Variants in MUCL1 observed in about 807,000 individuals in gnomAD.
MUCL1 encodes the protein mucin like 1.
A neutral mutation model predicts 9.2 loss-of-function variants in MUCL1; 11 were observed. That is an observed-to-expected ratio of 1.19 (90% CI 0.75 to 1.97). The LOEUF (loss-of-function observed/expected upper bound fraction) is 1.97, where lower values mean the gene tolerates loss of function less well. Among genes scored for constraint, MUCL1 ranks in the 30% most tolerant of loss-of-function variants. The pLI is 0.00. For synonymous variants in MUCL1, 48 were observed against 40.5 expected, an observed-to-expected ratio of 1.19 and a Z score of -0.71; for missense variants, 144 against 110.9, an observed-to-expected ratio of 1.30 and a Z score of -1.34.
At chr12:54,854,489 A>G (rs984523976), upstream of MUCL1, 41 of 953,290 alleles carry the variant, frequency 4.3e-5, no homozygotes, top group Middle Eastern at 4.5e-4. Context: ...CTGCATATAT[A>G]TTGTCAGGAT....
chr12:54,839,943 G>A (rs552694103), intron 1 of MUCL1, among the ~76,000 whole-genome samples: 4 of 152,242 alleles, frequency 2.6e-5, no homozygotes, highest in South Asian at 2.1e-4. Context: ...GCTTAGAGTC[G>A]CTTTTCACAA....
At chr12:54,850,015 A>T (rs967585286), upstream of MUCL1, among the ~76,000 whole-genome samples, 1 of 152,110 alleles carries the variant, frequency 6.6e-6, no homozygotes, top group Admixed American at 6.5e-5. Flanking sequence ...GCTTGGGCAA[A>T]CCAGCACTGT....
chr12:54,855,056 A>G (rs916550076), intron 1 of MUCL1, 60 bp from the exon 2 acceptor site: 6 of 1,436,084 alleles, frequency 4.2e-6, no homozygotes, highest in Non-Finnish European at 5.9e-6. Context: ...ATTCTCTCTT[A>G]CCTCCATCCT....
At chr12:54,831,654 G>C (rs1051779252) in intron 1 of MUCL1, among the ~76,000 whole-genome samples, 1 of 151,978 alleles carries the variant, frequency 6.6e-6, no homozygotes, top group Non-Finnish European at 1.5e-5. Flanking sequence ...TTCCAAATAA[G>C]ATAAAATACT....
upstream of MUCL1, among the ~76,000 whole-genome samples, chr12:54,836,482 C>T (rs1236452908): frequency 6.6e-6 from 1 of 152,038 alleles, no homozygotes; most frequent in Non-Finnish European, 1.5e-5. Flanking sequence ...TCTCTCTTTT[C>T]TTGGTTAATC....
chr12:54,839,399 G>A (rs927791233), exon 1 of MUCL1: 1 of 701,780 alleles, frequency 1.4e-6, no homozygotes, highest in African/African-American at 1.7e-5. Context: ...CAGGCTTCTG[G>A]CCAGTATGGG....
chr12:54,840,813 C>A (rs929924603), intron 1 of MUCL1, among the ~76,000 whole-genome samples: 1 of 152,144 alleles, frequency 6.6e-6, no homozygotes, highest in Non-Finnish European at 1.5e-5. Flanking sequence ...TAGCAGGTGG[C>A]AGTAAACCCC....
chr12:54,840,571 A>G (rs1959205549), intron 1 of MUCL1, among the ~76,000 whole-genome samples: 1 of 152,222 alleles, frequency 6.6e-6, no homozygotes, highest in Non-Finnish European at 1.5e-5. Flanking sequence ...GAGCGGGGTC[A>G]TAAAGTTTCC....
chr12:54,856,841 C>T lies in MUCL1; in HGVS notation c.172C>T (p.Pro58Ser), dbSNP rs751395820. 1.2e-6 allele frequency: 2 copies of T among 1,612,586 alleles called. No individual in the cohort carries two copies. Among genetic ancestry groups the T allele is most frequent in the Admixed American group, 1.7e-5 (1 of 59,888 alleles). ...TGCAACCACTGCAACCACTGCTGCT[C>T]CTACCACTGCAACCACCGCTGCTTC... ...AAATTATTAA[P>S]TTATTAASTT... The change falls in exon 3 of 4, where the codon CCT (proline) becomes TCT (serine). Residue 58 changes from proline (P) to serine (S), a missense_variant. Pro to Ser is a moderately conservative substitution (Grantham distance 74, BLOSUM62 -1). Transcript: ENST00000308796.
chr12:54,841,488 C>T (rs1338592336), intron 1 of MUCL1, among the ~76,000 whole-genome samples: 1 of 152,216 alleles, frequency 6.6e-6, no homozygotes, highest in East Asian at 1.9e-4. Flanking sequence ...TTTTCCTCCA[C>T]ATCCTCACCA....
intron 1 of MUCL1, among the ~76,000 whole-genome samples, chr12:54,833,403 AC>A (rs1196492429): frequency 6.6e-6 from 1 of 152,084 alleles, no homozygotes; most frequent in Non-Finnish European, 1.5e-5. Flanking sequence ...AGTTATATAC[AC>A]CTTTCCAATA....
chr12:54,841,052 T>G (rs896429326), intron 1 of MUCL1, among the ~76,000 whole-genome samples: 1 of 145,374 alleles, frequency 6.9e-6, no homozygotes, highest in East Asian at 2.0e-4. Flanking sequence ...TCAATTATTT[T>G]TAAGCTTCTA....
chr12:54,851,833 T>C (rs1451650448), upstream of MUCL1, among the ~76,000 whole-genome samples: 2 of 152,120 alleles, frequency 1.3e-5, no homozygotes, highest in African/African-American at 2.4e-5. Context: ...AAAATCAATG[T>C]GCAAAAATCA....
intron 1 of MUCL1, among the ~76,000 whole-genome samples, chr12:54,831,584 A>G (rs78600587): frequency 0.023 from 3,504 of 152,212 alleles, 128 homozygotes; most frequent in African/African-American, 0.08. Context: ...CTTTTTGGTA[A>G]CTTGAAACCT....
In MUCL1 at chr12:54,856,722, G is replaced by A; in HGVS notation, c.101-48G>A. 5 of 1,560,804 alleles carry A rather than the reference G, an allele frequency of 3.2e-6. No individual in the cohort carries two copies. In the African/African-American group the frequency reaches 4.1e-5, roughly 13 times the overall value. ...TCTACCCCTGGGTGGGATAAATTTT[G>A]TTCCAGAAGGAGTCAGTCTCACCTA... is the stretch of plus-strand genomic sequence containing the variant. On this transcript the variant is annotated intron_variant, in intron 2 of 3. Coordinates refer to ENST00000308796, the MANE Select transcript of MUCL1 (RefSeq NM_058173.3).
chr12:54,845,191 A>T (rs986459337), intron 1 of MUCL1, among the ~76,000 whole-genome samples: 2 of 86,314 alleles, frequency 2.3e-5, no homozygotes, highest in Non-Finnish European at 4.7e-5. Flanking sequence ...AACACAATGG[A>T]GATGGTTCAT....
At chr12:54,848,822 T>C (rs1477063471) in intron 1 of MUCL1, among the ~76,000 whole-genome samples, 1 of 152,214 alleles carries the variant, frequency 6.6e-6, no homozygotes, top group African/African-American at 2.4e-5. Context: ...CTTGTTATTT[T>C]AATTTTTAGA....
chr12:54,852,281 A>G (rs1291165993), upstream of MUCL1, among the ~76,000 whole-genome samples: 3 of 152,180 alleles, frequency 2.0e-5, no homozygotes, highest in Non-Finnish European at 4.4e-5. Flanking sequence ...AATAACCAAA[A>G]CAGCATGGTA....
chr12:54,844,746 C>T (rs919473984), intron 1 of MUCL1, among the ~76,000 whole-genome samples: 18 of 152,220 alleles, frequency 1.2e-4, no homozygotes, highest in Admixed American at 9.2e-4. Context: ...ATTTTCTCCA[C>T]ATATCTTTTA....
Sources: gnomAD v4.1 joint callset for allele counts (sites outside exome capture counted in the v4.1 genomes callset) on GRCh38, gnomAD v4.1.1 for gene constraint, MANE v1.5 for transcripts, NCBI Gene and HGNC (gene_info 2026-07-23, HGNC 2026-07-21) for gene names.